Variants in PCDH11X observed in about 807,000 individuals in gnomAD.
PCDH11X encodes the protein protocadherin-11 X-linked.
In PCDH11X, 18 loss-of-function variants were observed where a neutral mutation model predicts 53.3. That is an observed-to-expected ratio of 0.34 (90% CI 0.23 to 0.50). The LOEUF (loss-of-function observed/expected upper bound fraction) is 0.50. PCDH11X is among the 20% of genes least tolerant of loss of function. The probability of loss-of-function intolerance (pLI) is 0.98; values close to 1 mark genes in which losing one functional copy is unlikely to be tolerated. For missense variants in PCDH11X, 570 were observed against 1,032.4 expected (o/e 0.55, Z 6.14); for synonymous variants, 279 against 393.3 (o/e 0.71, Z 3.44).
At chrX:92,215,774 C>T (rs748892489) in intron 7 of PCDH11X, among the ~76,000 whole-genome samples, 1 of 106,731 alleles carries the variant, frequency 9.4e-6, no homozygotes, top group African/African-American at 3.4e-5. Context: ...TGACCCCTGA[C>T]TCCCGAGCAG....
intron 6 of PCDH11X, among the ~76,000 whole-genome samples, chrX:92,100,333 AAG>A (rs1369993896): frequency 1.8e-5 from 2 of 110,819 alleles, no homozygotes; most frequent in South Asian, 3.9e-4. Flanking sequence ...TCAGTCCTAA[AAG>A]AGAGTCAGTG....
chrX:92,014,848 G>C (rs1223765990), intron 6 of PCDH11X, among the ~76,000 whole-genome samples: 1 of 110,601 alleles, frequency 9.0e-6, no homozygotes, highest in African/African-American at 3.3e-5. Flanking sequence ...GAACACATGG[G>C]CACAGGAAGT....
chrX:92,376,248 T>G (rs1222660724), intron 8 of PCDH11X, among the ~76,000 whole-genome samples: 2 of 112,061 alleles, frequency 1.8e-5, no homozygotes, highest in African/African-American at 6.5e-5. Flanking sequence ...TAATTTGAAT[T>G]TATCCCGTCT....
chrX:92,254,307 A>G (rs2067519887), intron 7 of PCDH11X, among the ~76,000 whole-genome samples: 1 of 110,623 alleles, frequency 9.0e-6, no homozygotes, highest in Non-Finnish European at 1.9e-5. Flanking sequence ...ATCTTCCTCC[A>G]TCCTTTTATT....
chrX:91,844,029 G>A (rs1043572493), intron 5 of PCDH11X, among the ~76,000 whole-genome samples: 21 of 111,448 alleles, frequency 1.9e-4, no homozygotes, highest in African/African-American at 6.8e-4. Context: ...AGCTAATGAT[G>A]TAAGTAAAAT....
chrX:92,124,455 G>A (rs1398523248), intron 6 of PCDH11X, among the ~76,000 whole-genome samples: 1 of 109,342 alleles, frequency 9.1e-6, no homozygotes, highest in Non-Finnish European at 1.9e-5. Context: ...TGAAACAGGA[G>A]AATCGCTTGA....
At chrX:91,962,121 A>G (rs1340372666) in intron 6 of PCDH11X, among the ~76,000 whole-genome samples, 3 of 105,471 alleles carry the variant, frequency 2.8e-5, no homozygotes, top group African/African-American at 1.1e-4. Context: ...TTATGTTTCA[A>G]AACAAAATCA....
intron 6 of PCDH11X, among the ~76,000 whole-genome samples, chrX:92,184,574 T>A (rs1204356826): frequency 9.0e-6 from 1 of 111,653 alleles, no homozygotes; most frequent in Non-Finnish European, 1.9e-5. Context: ...ATGACCTGAC[T>A]TCAAAATATA....
chrX:92,382,883 G>T (rs2070911736), intron 8 of PCDH11X, among the ~76,000 whole-genome samples: 1 of 106,486 alleles, frequency 9.4e-6, no homozygotes, highest in Admixed American at 1.0e-4. Flanking sequence ...AACAAATTAT[G>T]ACATGAATAT....
chrX:91,931,882 C>T (rs771673838), intron 6 of PCDH11X, among the ~76,000 whole-genome samples: 70 of 110,905 alleles, frequency 6.3e-4, no homozygotes, highest in Non-Finnish European at 1.2e-3. Context: ...TTGTTACATA[C>T]GTAAATATGT....
intron 6 of PCDH11X, among the ~76,000 whole-genome samples, chrX:91,884,596 C>T (rs1179035039): frequency 9.0e-6 from 1 of 111,608 alleles, no homozygotes; most frequent in Non-Finnish European, 1.9e-5. Flanking sequence ...TCAACTAACT[C>T]ATTTCCTACA....
chrX:91,851,378 AAG>A (rs1251008896), intron 5 of PCDH11X, among the ~76,000 whole-genome samples: 2 of 112,024 alleles, frequency 1.8e-5, no homozygotes, highest in African/African-American at 6.5e-5. Context: ...ATAAAATAAA[AAG>A]AGTTGGACAT....
chrX:91,874,387 C>G (rs1939484996), intron 5 of PCDH11X, among the ~76,000 whole-genome samples: 1 of 110,478 alleles, frequency 9.1e-6, no homozygotes, highest in Non-Finnish European at 1.9e-5. Context: ...AAATGTTTTT[C>G]TTACTATATA....
intron 10 of PCDH11X, among the ~76,000 whole-genome samples, chrX:92,512,708 T>G: frequency 8.9e-6 from 1 of 112,214 alleles, no homozygotes; most frequent in South Asian, 3.7e-4. Flanking sequence ...TTTAAGTGAA[T>G]TTATTAAATC....
intron 10 of PCDH11X, among the ~76,000 whole-genome samples, chrX:92,542,098 T>C (rs943564139): frequency 1.8e-5 from 2 of 112,141 alleles, no homozygotes; most frequent in Non-Finnish European, 1.9e-5. Flanking sequence ...TTATATTTTA[T>C]AGCATATTCT....
At chrX:91,870,808 T>C (rs756676088) in intron 5 of PCDH11X, among the ~76,000 whole-genome samples, 74 of 110,364 alleles carry the variant, frequency 6.7e-4, no homozygotes, top group Middle Eastern at 4.6e-3. Context: ...CAAAGAGAGA[T>C]GGTGTTTTCT....
chrX:91,860,588 T>C (rs1392063139), intron 5 of PCDH11X, among the ~76,000 whole-genome samples: 1 of 111,909 alleles, frequency 8.9e-6, no homozygotes, highest in Non-Finnish European at 1.9e-5. Flanking sequence ...AATATGATAT[T>C]GGCTATGGGT....
In PCDH11X at chrX:92,199,250, A is replaced by G. The variant is rs750137487; in HGVS notation, c.3034-2125A>G. On this transcript the variant is annotated intron_variant, in intron 6 of 10. Coordinates refer to ENST00000682573, the MANE Select transcript of PCDH11X (RefSeq NM_032968.5). ...TATTATTAGCAATAATGCCAGTGACATTTCTCAAGACTCTTTAAGATCATT... is the reference window on the plus strand; with the variant it reads ...TATTATTAGCAATAATGCCAGTGACGTTTCTCAAGACTCTTTAAGATCATT... 1.3e-4 allele frequency among the ~76,000 whole-genome samples: 14 copies of G among 111,872 alleles called. 2 individuals carry two copies. The South Asian group carries it at 5.2e-3, about 41-fold the overall frequency.
intron 7 of PCDH11X, among the ~76,000 whole-genome samples, chrX:92,232,802 C>T (rs888769235): frequency 3.6e-5 from 4 of 111,726 alleles, no homozygotes; most frequent in Non-Finnish European, 7.5e-5. Context: ...CTGTAAGCTC[C>T]GCCTTCTGCT....
Sources: gnomAD v4.1 joint callset for allele counts (sites outside exome capture counted in the v4.1 genomes callset) on GRCh38, gnomAD v4.1.1 for gene constraint, MANE v1.5 for transcripts, NCBI Gene and HGNC (gene_info 2026-07-23, HGNC 2026-07-21) for gene names.